Variants in PLCXD2 observed in about 807,000 individuals in gnomAD.
The protein encoded by PLCXD2 is phosphatidylinositol specific phospholipase C X domain containing 2.
In PLCXD2, 21 loss-of-function variants were observed where a neutral mutation model predicts 28.6. The ratio of observed to expected loss-of-function variants is 0.73; its 90% CI spans 0.52 to 1.06. PLCXD2 has a LOEUF of 1.06. PLCXD2 is among the 50% of genes least tolerant of loss of function. The pLI is 0.00. For synonymous variants in PLCXD2, 140 were observed against 150.1 expected (o/e 0.93, Z 0.49); for missense variants, 369 against 376.7 (o/e 0.98, Z 0.17).
At chr3:111,699,467 T>TA (rs2107854412) in intron 1 of PLCXD2, among the ~76,000 whole-genome samples, 1 of 152,286 alleles carries the variant, frequency 6.6e-6, no homozygotes, top group East Asian at 1.9e-4. Flanking sequence ...TTGAGATCTC[T>TA]AATCCCCAAA....
rs2107868548 is a variant in PLCXD2, at chr3:111,713,909, C to G, written c.647C>G (p.Pro216Arg). The change falls in exon 3 of 5, where the codon CCC (proline) becomes CGC (arginine). Residue 216 changes from proline to arginine, a missense_variant. Pro to Arg is a moderately radical substitution (Grantham distance 103, BLOSUM62 -2). Transcript: ENST00000477665. ...CAGGTTCTTATTTTCTACCACTGTC[C>G]CTTCTACAAGCAGTACCCCTTCCTG... 6.2e-7 allele frequency: 1 copy of G among 1,613,302 alleles called. No individual in the cohort carries two copies. The highest frequency in any genetic ancestry group is 8.5e-7 in the Non-Finnish European group (1 of 1,179,466).
At chr3:111,693,337 C>T (rs764032501) in intron 1 of PLCXD2, among the ~76,000 whole-genome samples, 4 of 152,318 alleles carry the variant, frequency 2.6e-5, no homozygotes, top group Non-Finnish European at 5.9e-5. Context: ...TCTGTGGCTA[C>T]GGAGGAGCAG....
chr3:111,696,828 T>C (rs1376378498), intron 1 of PLCXD2, among the ~76,000 whole-genome samples: 2 of 152,240 alleles, frequency 1.3e-5, no homozygotes, highest in Non-Finnish European at 2.9e-5. Context: ...GGCATTTAGA[T>C]GACTCTCAAA....
chr3:111,712,045 G>A (rs147415351), intron 2 of PLCXD2, among the ~76,000 whole-genome samples: 11 of 152,040 alleles, frequency 7.2e-5, no homozygotes, highest in Non-Finnish European at 1.5e-4. Context: ...ACAGAGGTTG[G>A]GGGGAGAGGG....
chr3:111,709,620 A>G lies in PLCXD2; in HGVS notation c.624+1234A>G, dbSNP rs9879325. Reference sequence around the variant, plus strand: ...TTAAAAGTTGATCAGGAGAGGCTTCATTGAAAAGATGACATTTGAAGGGGT... The same window carrying G: ...TTAAAAGTTGATCAGGAGAGGCTTCGTTGAAAAGATGACATTTGAAGGGGT... On this transcript the variant is annotated intron_variant, in intron 2 of 4. Coordinates refer to ENST00000477665, the MANE Select transcript of PLCXD2 (RefSeq NM_001185106.1). 2.6e-3 allele frequency among the ~76,000 whole-genome samples: 392 copies of G among 152,318 alleles called. 2 individuals are homozygous for G. Among genetic ancestry groups the G allele is most frequent in the African/African-American group, 7.8e-3 (324 of 41,560 alleles).
intron 1 of PLCXD2, among the ~76,000 whole-genome samples, chr3:111,695,601 G>A (rs1426483605): frequency 1.3e-5 from 2 of 152,224 alleles, no homozygotes; most frequent in Non-Finnish European, 1.5e-5. Context: ...TTTTCAGTTT[G>A]TAGAAAACAT....
chr3:111,693,543 A>C (rs1339600566), intron 1 of PLCXD2, among the ~76,000 whole-genome samples: 1 of 152,158 alleles, frequency 6.6e-6, no homozygotes, highest in African/African-American at 2.4e-5. Flanking sequence ...TTTTCTGGCT[A>C]TTGTAGTTAC....
intron 1 of PLCXD2, among the ~76,000 whole-genome samples, chr3:111,705,675 C>CTTT (rs776036573): frequency 1.3e-5 from 2 of 149,450 alleles, no homozygotes; most frequent in African/African-American, 4.9e-5. Flanking sequence ...TATTTTTTGT[C>CTTT]TTTTTTGTTT....
At chr3:111,704,817 AT>A (rs34775570) in intron 1 of PLCXD2, among the ~76,000 whole-genome samples, 8,318 of 144,556 alleles carry the variant, frequency 0.058, 266 homozygotes, top group Middle Eastern at 0.079. Context: ...ATCTAGCATA[AT>A]TTTTTTTTTT....
At chr3:111,693,300 T>C (rs565461069) in intron 1 of PLCXD2, among the ~76,000 whole-genome samples, 21 of 152,304 alleles carry the variant, frequency 1.4e-4, no homozygotes, top group African/African-American at 4.8e-4. Flanking sequence ...GCATTTATTA[T>C]TTATAGAAAG....
intron 1 of PLCXD2, among the ~76,000 whole-genome samples, chr3:111,699,557 C>G (rs901840517): frequency 6.6e-6 from 1 of 152,146 alleles, no homozygotes; most frequent in African/African-American, 2.4e-5. Flanking sequence ...CTTCACAAGG[C>G]CAGCTAGCTC....
chr3:111,710,636 T>C (rs933619265), intron 2 of PLCXD2, among the ~76,000 whole-genome samples: 1 of 152,214 alleles, frequency 6.6e-6, no homozygotes, highest in African/African-American at 2.4e-5. Context: ...TTTAGGCACA[T>C]TGGTGTTTTT....
chr3:111,711,322 T>C (rs1463970080), intron 2 of PLCXD2, among the ~76,000 whole-genome samples: 1 of 152,206 alleles, frequency 6.6e-6, no homozygotes, highest in East Asian at 1.9e-4. Flanking sequence ...GAGAATCGCT[T>C]GAACCCAGGA....
Position 111,675,649 on chromosome 3 carries a change from G to T in PLCXD2, c.163+241G>T, listed in dbSNP as rs560548946. On this transcript the variant is annotated intron_variant, in intron 1 of 4. Transcript: ENST00000477665. The stretch of plus-strand genomic sequence containing the variant: ...GTTTTTGTTTGTGGTTTTTTTGTTT[G>T]TTTGCTTATATTTGCTAGCCCCATT... Among the ~76,000 whole-genome samples the T allele has an allele frequency of 2.6e-5, 4 of 152,106 alleles. No homozygotes were observed. The South Asian group carries it at 8.3e-4, about 32-fold the overall frequency.
chr3:111,676,722 G>C (rs983072395), intron 1 of PLCXD2: 1 of 152,116 alleles, frequency 6.6e-6, no homozygotes, highest in African/African-American at 2.4e-5. Context: ...AATGATGCAT[G>C]GGCCACTTTT....
intron 3 of PLCXD2, among the ~76,000 whole-genome samples, chr3:111,717,408 G>T (rs1941282160): frequency 6.6e-6 from 1 of 152,268 alleles, no homozygotes; most frequent in East Asian, 1.9e-4. Flanking sequence ...GCACTGTCAG[G>T]TTCAGCCTTT....
chr3:111,712,225 G>A (rs149536890), intron 2 of PLCXD2, among the ~76,000 whole-genome samples: 2 of 152,302 alleles, frequency 1.3e-5, no homozygotes, highest in Non-Finnish European at 2.9e-5. Flanking sequence ...AGACCCTTTT[G>A]GATAATTTGT....
Position 111,707,990 on chromosome 3 carries a change from A to G in PLCXD2, c.228A>G (p.Gln76=). The G allele has an allele frequency of 6.2e-7, 1 of 1,614,160 alleles. No individual in the cohort carries two copies. The highest frequency in any genetic ancestry group is 8.5e-7 in the Non-Finnish European group (1 of 1,180,018). ...CCCCAGTGGGGCCTGACCAAACCCAAGCTATCAAACGCCTCGCCAGGATCT... is the reference window on the plus strand; with the variant it reads ...CCCCAGTGGGGCCTGACCAAACCCAGGCTATCAAACGCCTCGCCAGGATCT... Residue 76 remains glutamine (Q), a synonymous_variant, in exon 2 of 5, where the codon CAA becomes CAG. Transcript: ENST00000477665.
At chr3:111,702,106 G>A (rs951429383) in intron 1 of PLCXD2, among the ~76,000 whole-genome samples, 1 of 152,062 alleles carries the variant, frequency 6.6e-6, no homozygotes, top group Non-Finnish European at 1.5e-5. Flanking sequence ...AGTCTCTGAA[G>A]GTGGACAGAG....
Sources: allele counts gnomAD v4.1 joint callset (sites outside exome capture counted in the v4.1 genomes callset), GRCh38; gene constraint gnomAD v4.1.1; transcripts MANE v1.5; gene names NCBI Gene and HGNC (gene_info 2026-07-23, HGNC 2026-07-21).